PFKFB3: variants seen among roughly 807,000 people sequenced by gnomAD.
The protein encoded by PFKFB3 is 6-phosphofructo-2-kinase/fructose-2,6-bisphosphatase 3.
PFKFB3 carries 33 observed loss-of-function variants against 68.0 expected under a neutral mutation model. That is an observed-to-expected ratio of 0.49 (90% CI 0.37 to 0.65). The LOEUF is 0.65. PFKFB3 is among the 30% of genes least tolerant of loss of function. The pLI is 0.00. For synonymous variants in PFKFB3, 315 were observed against 288.2 expected (o/e 1.09, Z -0.94); for missense variants, 586 against 712.2 (o/e 0.82, Z 2.02).
At chr10:6,281,166 CATAT>C in the PFKFB3 span, among the ~76,000 whole-genome samples, 2 of 84,504 alleles carry the variant, frequency 2.4e-5, no homozygotes, top group African/African-American at 7.2e-5. Context: ...AGTATTCCAT[CATAT>C]ATATATATAT....
At chr10:6,201,600 G>T (rs951536154), upstream of PFKFB3, among the ~76,000 whole-genome samples, 7 of 151,058 alleles carry the variant, frequency 4.6e-5, no homozygotes, top group African/African-American at 1.7e-4. The surrounding 1 kb of genome is among the most constrained non-coding windows in gnomAD (Gnocchi z 4.1). Context: ...AGCAGCCCCG[G>T]TCGCCGCCTG....
At chr10:6,200,602 A>G (rs1224644927), upstream of PFKFB3, among the ~76,000 whole-genome samples, 1 of 142,456 alleles carries the variant, frequency 7.0e-6, no homozygotes, top group Admixed American at 7.3e-5. Context: ...AAACAAAAAC[A>G]GGTGTGCATT....
the PFKFB3 span, among the ~76,000 whole-genome samples, chr10:6,288,448 G>A: frequency 7.5e-5 from 11 of 147,548 alleles, no homozygotes; most frequent in African/African-American, 1.8e-4. Context: ...GTGAGAACAC[G>A]CGGTGTTTGG....
chr10:6,182,177 A>C (rs528936655), intron 1 of PFKFB3, among the ~76,000 whole-genome samples: 1 of 152,048 alleles, frequency 6.6e-6, no homozygotes, highest in Non-Finnish European at 1.5e-5. Context: ...TGTCTCCCCA[A>C]GTTTTCTCTC....
the PFKFB3 span, among the ~76,000 whole-genome samples, chr10:6,309,141 A>T: frequency 1.3e-5 from 2 of 151,788 alleles, no homozygotes; most frequent in Admixed American, 6.6e-5. Context: ...ATTCAAAAAA[A>T]TTGTAAAAAA....
chr10:6,209,700 G>A (rs1844028355), intron 1 of PFKFB3, among the ~76,000 whole-genome samples: 1 of 151,406 alleles, frequency 6.6e-6, no homozygotes, highest in African/African-American at 2.4e-5. Context: ...CCTGACCTCA[G>A]GTGGTCTGCC....
the PFKFB3 span, among the ~76,000 whole-genome samples, chr10:6,308,861 A>G: frequency 6.6e-6 from 1 of 152,234 alleles, no homozygotes; most frequent in African/African-American, 2.4e-5. Context: ...CATTTTAAAG[A>G]TGCCGATAGG....
chr10:6,276,735 G>A, the PFKFB3 span, among the ~76,000 whole-genome samples: 1 of 151,988 alleles, frequency 6.6e-6, no homozygotes, highest in Non-Finnish European at 1.5e-5. Flanking sequence ...CCTTCCCTCA[G>A]TTTCTCCCAA....
At chr10:6,177,484 CTT>C (rs1554842999) in intron 1 of PFKFB3, among the ~76,000 whole-genome samples, 65 of 109,438 alleles carry the variant, frequency 5.9e-4, no homozygotes, top group Admixed American at 1.3e-3. Flanking sequence ...TTCTTTCTTT[CTT>C]TTTCTTTTCT....
In PFKFB3 at chr10:6,228,307, G is replaced by A; in HGVS notation, c.1515+1942G>A. On this transcript the variant is annotated intron_variant, in intron 14 of 14. Transcript: ENST00000379775. This position sits in a 1 kb window ranked among gnomAD's most constrained non-coding sequence, Gnocchi z 4.5. ...TCCTGCCTGTTAAAATATTGAGGATGAGAGCAGTTTTGTGATGTGAGGTCT... is the reference window on the plus strand; with the variant it reads ...TCCTGCCTGTTAAAATATTGAGGATAAGAGCAGTTTTGTGATGTGAGGTCT... The A allele has an allele frequency of 6.8e-7, 1 of 1,473,446 alleles. No individual in the cohort carries two copies. Among genetic ancestry groups the A allele is most frequent in the Non-Finnish European group, 9.5e-7 (1 of 1,054,282 alleles). The allele number at this position is 1,473,446 out of a possible 1,614,324, so 91.3% of individuals were successfully genotyped here.
intron 14 of PFKFB3, among the ~76,000 whole-genome samples, chr10:6,244,987 C>T (rs1187944978): frequency 6.6e-6 from 1 of 152,192 alleles, no homozygotes; most frequent in Non-Finnish European, 1.5e-5. Context: ...TCGAGATCTG[C>T]AAGTTTAAAC....
At chr10:6,204,976 C>A (rs545472865) in intron 1 of PFKFB3, among the ~76,000 whole-genome samples, 2 of 152,344 alleles carry the variant, frequency 1.3e-5, no homozygotes, top group East Asian at 3.9e-4. Flanking sequence ...CTCCAGCGTG[C>A]ACCAAGGCGT....
At chr10:6,268,163 T>TGTG in the PFKFB3 span, among the ~76,000 whole-genome samples, 3 of 151,894 alleles carry the variant, frequency 2.0e-5, no homozygotes, top group East Asian at 3.9e-4. Context: ...GGTGGTTATG[T>TGTG]TGAGATTAGG....
intron 1 of PFKFB3, among the ~76,000 whole-genome samples, chr10:6,183,615 A>AAC (rs1491012431): frequency 1.2e-5 from 1 of 86,776 alleles, no homozygotes; most frequent in Non-Finnish European, 2.5e-5. Flanking sequence ...AAAAAAAAAA[A>AAC]TATATATATA....
the PFKFB3 span, among the ~76,000 whole-genome samples, chr10:6,262,457 A>T: frequency 7.4e-6 from 1 of 136,012 alleles, no homozygotes; most frequent in Admixed American, 7.6e-5. Flanking sequence ...CATCTCAAAA[A>T]AAAAAAAAAA....
intron 1 of PFKFB3, among the ~76,000 whole-genome samples, chr10:6,194,389 G>A (rs1310219517): frequency 6.6e-6 from 1 of 152,212 alleles, no homozygotes; most frequent in Admixed American, 6.5e-5. Flanking sequence ...ACAGACTTTT[G>A]AAAACTATGT....
At chr10:6,260,938 A>T in the PFKFB3 span, among the ~76,000 whole-genome samples, 3 of 152,214 alleles carry the variant, frequency 2.0e-5, no homozygotes, top group Non-Finnish European at 4.4e-5. Flanking sequence ...GGTGGTAGGC[A>T]TGTGTTCAAT....
rs906812887 is a variant in PFKFB3, at chr10:6,235,501, G to A, written c.*2559G>A. The A allele has an allele frequency of 6.6e-6, 1 of 152,248 alleles. No homozygotes were observed. The highest frequency in any genetic ancestry group is 2.4e-5 in the African/African-American group (1 of 41,424). The allele number at this position is 152,248 out of a possible 1,614,324, so 9.4% of individuals were successfully genotyped here. On this transcript the variant is annotated 3_prime_UTR_variant, in exon 15 of 15. Transcript: ENST00000379775. ...TCAGAAATTTGTATATTTTGCAGTT[G>A]CCAGACCAATAAAATACCTGGTTGA... is the stretch of plus-strand genomic sequence containing the variant.
At chr10:6,278,457 A>T in the PFKFB3 span, among the ~76,000 whole-genome samples, 2 of 151,746 alleles carry the variant, frequency 1.3e-5, no homozygotes, top group Non-Finnish European at 2.9e-5. Flanking sequence ...TGTAATTTTT[A>T]GTAGAGACGG....
Sources: gnomAD v4.1 joint callset for allele counts (sites outside exome capture counted in the v4.1 genomes callset) on GRCh38, gnomAD v4.1.1 for gene constraint, Gnocchi (gnomAD v3.1) non-coding constraint, MANE v1.5 for transcripts, NCBI Gene and HGNC (gene_info 2026-07-23, HGNC 2026-07-21) for gene names.